PCDHGA9: variants seen among roughly 807,000 people sequenced by gnomAD.
The protein encoded by PCDHGA9 is protocadherin gamma-A9.
A neutral mutation model predicts 62.5 loss-of-function variants in PCDHGA9; 37 were observed. The observed-to-expected ratio is 0.59, with a 90% CI of 0.46 to 0.78. PCDHGA9 has a LOEUF of 0.78. PCDHGA9 is among the 30% of genes least tolerant of loss of function. The probability of loss-of-function intolerance (pLI) is 0.00; values close to 1 mark genes in which losing one functional copy is unlikely to be tolerated. For synonymous variants in PCDHGA9, 459 were observed against 484.6 expected, an observed-to-expected ratio of 0.95 and a Z score of 0.69; for missense variants, 1,138 against 1,166.2, an observed-to-expected ratio of 0.98 and a Z score of 0.35.
chr5:141,408,676 G>A (rs1315766272), intron 1 of PCDHGA9: 2 of 1,613,652 alleles, frequency 1.2e-6, no homozygotes, highest in Non-Finnish European at 1.7e-6. Flanking sequence ...ACCCTGCCAC[G>A]GATCCTGATA....
chr5:141,453,101 T>TTTCTG (rs1554138035), intron 1 of PCDHGA9, among the ~76,000 whole-genome samples: 1 of 152,012 alleles, frequency 6.6e-6, no homozygotes, highest in Non-Finnish European at 1.5e-5. Context: ...TTCTGTTGCT[T>TTTCTG]TTTTGTTTTG....
chr5:141,466,989 G>C, intron 1 of PCDHGA9, among the ~76,000 whole-genome samples: 1 of 150,922 alleles, frequency 6.6e-6, no homozygotes. Context: ...TTTACCTTTT[G>C]GCATTTTTTT....
intron 1 of PCDHGA9, chr5:141,441,872 G>T: frequency 2.9e-6 from 1 of 341,646 alleles, no homozygotes. Flanking sequence ...GCGGAGCCTG[G>T]CTACCTGGTC....
chr5:141,419,216 G>C, intron 1 of PCDHGA9: 3 of 1,613,886 alleles, frequency 1.9e-6, no homozygotes, highest in Admixed American at 1.7e-5. Flanking sequence ...GCCGGTTTTC[G>C]GACAGTCAGC....
In PCDHGA9 at chr5:141,511,036, G is replaced by T; in HGVS notation, c.2662G>T (p.Val888Leu). The T allele has an allele frequency of 1.2e-6, 2 of 1,614,200 alleles. No homozygotes were observed. The highest frequency in any genetic ancestry group is 1.7e-6 in the Non-Finnish European group (2 of 1,180,024). Residue 888 changes from valine to leucine, a missense_variant, in exon 4 of 4, where the codon GTG (valine) becomes TTG (leucine). Transcript: ENST00000573521. ...RYGPQFTLQHVPDYRQNVYIP... is the reference protein window; with the variant it reads ...RYGPQFTLQHLPDYRQNVYIP... Reference sequence around the variant, plus strand: ...CGGACCCCAGTTCACCCTGCAGCACGTGCCCGACTACCGCCAGAATGTCTA... The same window carrying T: ...CGGACCCCAGTTCACCCTGCAGCACTTGCCCGACTACCGCCAGAATGTCTA...
chr5:141,413,816 T>A (rs1422730893), intron 1 of PCDHGA9: 1 of 1,613,128 alleles, frequency 6.2e-7, no homozygotes, highest in Non-Finnish European at 8.5e-7. Flanking sequence ...ATTCACCACC[T>A]GGTCCTCACC....
At chr5:141,499,397 T>A (rs1171838687) in intron 2 of PCDHGA9, among the ~76,000 whole-genome samples, 2 of 152,122 alleles carry the variant, frequency 1.3e-5, no homozygotes, top group African/African-American at 4.8e-5. Flanking sequence ...AAATAGTACA[T>A]GCTCATTATA....
rs145484670 is a variant in PCDHGA9 at position 141,469,912 on chromosome 5, C to T, written c.2425-24895C>T. Among the ~76,000 whole-genome samples, 674 of 152,288 alleles carry T rather than the reference C, an allele frequency of 4.4e-3. 6 individuals are homozygous for T. The highest frequency in any genetic ancestry group is 0.015 in the African/African-American group (642 of 41,562). On this transcript the variant is annotated intron_variant, in intron 1 of 3. Transcript: ENST00000573521. ...TTGGGAAGCCGAGGCAGGCAGACCA[C>T]CCGAGGTCAGGAGTTTGAGACCAGC...
chr5:141,453,341 C>T (rs1327119655), intron 1 of PCDHGA9, among the ~76,000 whole-genome samples: 2 of 151,822 alleles, frequency 1.3e-5, no homozygotes, highest in East Asian at 3.9e-4. Context: ...CTATGTTTCC[C>T]CAGGCTGACC....
In PCDHGA9 at chr5:141,494,850, G is replaced by C. The variant is rs2099757124; in HGVS notation, c.2468G>C (p.Arg823Thr). 1.2e-6 allele frequency: 2 copies of C among 1,614,124 alleles called. No individual in the cohort carries two copies. The highest frequency in any genetic ancestry group is 1.7e-6 in the Non-Finnish European group (2 of 1,180,018). Reference protein sequence around the residue: ...NTDWRFSQAQRPGTSGSQNGD... With the variant: ...NTDWRFSQAQTPGTSGSQNGD... ...GACTGGCGTTTCTCTCAGGCCCAGA[G>C]ACCCGGCACCAGCGGGTAGGTGACT... is the stretch of plus-strand genomic sequence containing the variant. The change falls in exon 2 of 4, where the codon AGA becomes ACA. Residue 823 changes from arginine to threonine, a missense_variant. Physicochemically the swap from Arg to Thr is moderately conservative, Grantham distance 71. Transcript: ENST00000573521.
At chr5:141,460,132 T>TAAAA in intron 1 of PCDHGA9, among the ~76,000 whole-genome samples, 1 of 152,036 alleles carries the variant, frequency 6.6e-6, no homozygotes, top group South Asian at 2.1e-4. Context: ...GTAATATATA[T>TAAAA]ATTCTTGATG....
rs2094485215 is a variant in PCDHGA9 at position 141,404,104 on chromosome 5, T to C, written c.1152T>C (p.Cys384=). The part of the protein sequence containing the change: ...RDSGKNGQVV[C]SIQENLSFTL... The stretch of plus-strand genomic sequence containing the variant: ...CCGGGAAGAATGGTCAAGTTGTCTG[T>C]TCTATCCAGGAGAATCTATCTTTTA... The change falls in exon 1 of 4, where the codon TGT becomes TGC. Residue 384 remains cysteine, a synonymous_variant. Transcript: ENST00000573521. The C allele has an allele frequency of 1.2e-6, 2 of 1,613,640 alleles. No individual in the cohort carries two copies. Among genetic ancestry groups the C allele is most frequent in the East Asian group, 2.2e-5 (1 of 44,870 alleles).
chr5:141,453,545 A>T (rs2098768582), intron 1 of PCDHGA9, among the ~76,000 whole-genome samples: 1 of 151,998 alleles, frequency 6.6e-6, no homozygotes, highest in African/African-American at 2.4e-5. Flanking sequence ...TTCACACCAC[A>T]CTCTGTAGAT....
chr5:141,414,864 G>A (rs766848727), intron 1 of PCDHGA9: 2 of 1,614,174 alleles, frequency 1.2e-6, no homozygotes, highest in South Asian at 2.2e-5. Context: ...ACGACAATGC[G>A]CCCGAGATCC....
chr5:141,457,079 C>T (rs114054058), intron 1 of PCDHGA9, among the ~76,000 whole-genome samples: 2,973 of 152,194 alleles, frequency 0.02, 43 homozygotes, highest in African/African-American at 0.029. Flanking sequence ...AACTATTATC[C>T]CTGCTATAAG....
At chr5:141,415,937 C>T (rs939831077) in intron 1 of PCDHGA9, 8 of 587,822 alleles carry the variant, frequency 1.4e-5, no homozygotes, top group Non-Finnish European at 2.0e-5. Context: ...TATATTTCCT[C>T]CTGGGTGGTC....
chr5:141,410,685 A>G, intron 1 of PCDHGA9: 1 of 1,528,540 alleles, frequency 6.5e-7, no homozygotes, highest in Non-Finnish European at 8.7e-7. Flanking sequence ...TTTTAGGCAT[A>G]CTACTTTATT....
Position 141,431,999 on chromosome 5 carries a change from C to G in PCDHGA9, c.2424+26623C>G. The G allele has an allele frequency of 6.2e-7, 1 of 1,614,158 alleles. No homozygotes were observed. The highest frequency in any genetic ancestry group is 1.1e-5 in the South Asian group (1 of 91,086). On this transcript the variant is annotated intron_variant, in intron 1 of 3. Transcript: ENST00000573521. This position sits in a 1 kb window ranked among gnomAD's most constrained non-coding sequence, Gnocchi z 4.8. ...CACAGACATAGTCTTGGATAGGGAA[C>G]AGGTTCCTAGCTACAACATCACAGT... is the stretch of plus-strand genomic sequence containing the variant.
intron 1 of PCDHGA9, chr5:141,421,662 G>C: frequency 5.6e-6 from 9 of 1,613,844 alleles, no homozygotes; most frequent in Non-Finnish European, 7.6e-6. Context: ...AAGTCAGTGA[G>C]CACGCAATTC....
Sources: gnomAD v4.1 joint callset for allele counts (sites outside exome capture counted in the v4.1 genomes callset) on GRCh38, gnomAD v4.1.1 for gene constraint, Gnocchi (gnomAD v3.1) non-coding constraint, MANE v1.5 for transcripts, NCBI Gene and HGNC (gene_info 2026-07-23, HGNC 2026-07-21) for gene names.